Variants in NRXN2 observed in about 807,000 individuals in gnomAD.
NRXN2 encodes neurexin 2, also known as neurexin-2-beta.
Under a neutral mutation model 128.8 loss-of-function variants are expected in NRXN2, and 29 were observed. The ratio of observed to expected loss-of-function variants is 0.23; its 90% CI spans 0.17 to 0.31. The LOEUF (loss-of-function observed/expected upper bound fraction) is 0.31. Ranked by LOEUF, NRXN2 falls within the 10% of genes least tolerant of loss-of-function variation. NRXN2 has a pLI of 1.00. For synonymous variants in NRXN2, 1,098 were observed against 1,075.2 expected, an observed-to-expected ratio of 1.02 and a Z score of -0.41; for missense variants, 1,881 against 2,452.6, an observed-to-expected ratio of 0.77 and a Z score of 4.92.
At chr11:64,672,651 T>C (rs1170861547) in intron 7 of NRXN2, among the ~76,000 whole-genome samples, 1 of 152,104 alleles carries the variant, frequency 6.6e-6, no homozygotes, top group Non-Finnish European at 1.5e-5. Context: ...TAAGAGCAAC[T>C]AGTCTAGGGG....
intron 22 of NRXN2, among the ~76,000 whole-genome samples, chr11:64,614,176 C>T (rs954597029): frequency 2.6e-5 from 4 of 152,192 alleles, no homozygotes; most frequent in Non-Finnish European, 4.4e-5. Flanking sequence ...AGGACAATGG[C>T]GCAGTAAAAC....
At chr11:64,637,755 G>T (rs889231201) in intron 17 of NRXN2, among the ~76,000 whole-genome samples, 2 of 152,074 alleles carry the variant, frequency 1.3e-5, no homozygotes, top group Non-Finnish European at 2.9e-5. Flanking sequence ...CTACCTGCAG[G>T]CTGCCTCCAA....
Position 64,620,304 on chromosome 11 carries a change from C to G in NRXN2, c.4242G>C (p.Glu1414Asp), listed in dbSNP as rs1413729782. 8 of 1,552,592 alleles carry G rather than the reference C, an allele frequency of 5.2e-6. No individual in the cohort carries two copies. Among genetic ancestry groups the G allele is most frequent in the Non-Finnish European group, 7.0e-6 (8 of 1,147,618 alleles). The change falls in exon 22 of 23, where the codon GAG (glutamate) becomes GAC (aspartate). Residue 1414 changes from glutamate (E) to aspartate (D), a missense_variant. By Grantham distance (45) the Glu-to-Asp change is conservative (BLOSUM62 2). Coordinates refer to ENST00000265459, the MANE Select transcript of NRXN2 (RefSeq NM_015080.4). ...GGGAAAGGCACTCACCAGTACTGGG[C>G]TCACACTCCTCCAGGTCCTCATCAT... ...PSDDEDLEECEPSTGGELILP... is the reference protein window; with the variant it reads ...PSDDEDLEECDPSTGGELILP...
In NRXN2 at chr11:64,660,458, C is replaced by G. The variant is rs1418624067; in HGVS notation, c.2263G>C (p.Asp755His). The change falls in exon 11 of 23, where the codon GAT becomes CAT. Residue 755 changes from aspartate to histidine, a missense_variant. Physicochemically the swap from Asp to His is moderately conservative, Grantham distance 81 (BLOSUM62 -1). Around this residue, in one of 7 missense-constraint regions of NRXN2, gnomAD observed 997 missense variants for 1,240.8 expected, o/e 0.80. Transcript: ENST00000265459. The surrounding 1 kb of genome is among the most constrained non-coding windows in gnomAD (Gnocchi z 5.2). ...TGGGACATGAAACGCAGGGACACAT[C>G]CTCTGCCTCCGTGTGCATGGCGTTA... ...LPNAMHTEAEDVSLRFMSQRA... is the reference protein window; with the variant it reads ...LPNAMHTEAEHVSLRFMSQRA... 1 of 1,614,192 alleles carries G rather than the reference C, an allele frequency of 6.2e-7. No homozygotes were observed. Among genetic ancestry groups the G allele is most frequent in the Non-Finnish European group, 8.5e-7 (1 of 1,180,020 alleles).
intron 2 of NRXN2, among the ~76,000 whole-genome samples, chr11:64,712,499 C>T (rs1218845028): frequency 6.6e-6 from 1 of 152,030 alleles, no homozygotes; most frequent in Non-Finnish European, 1.5e-5. Flanking sequence ...CACTCACCAC[C>T]CCTCACGGCC....
At position 64,668,443 on chromosome 11, in the gene NRXN2, G is replaced by A. The variant is rs374294754; in HGVS notation, c.1359C>T (p.Asp453=). 2.5e-5 allele frequency: 41 copies of A among 1,613,738 alleles called. No individual in the cohort carries two copies. The highest frequency in any genetic ancestry group is 1.3e-4 in the African/African-American group (10 of 75,060). ...VSNNFMGCLK[D]VVYKNNDFKL... is the part of the protein sequence containing the mutation. ...GCAGCCCCTCCCTAGCCCTACTCAC[G>A]TCCTTGAGGCAGCCCATGAAGTTGT... is the stretch of plus-strand genomic sequence containing the variant. Residue 453 remains aspartate, a splice_region_variant and synonymous_variant, in exon 8 of 23, where the codon GAC becomes GAT. Coordinates refer to ENST00000265459, the MANE Select transcript of NRXN2 (RefSeq NM_015080.4).
At chr11:64,690,509 G>C (rs1250119545) in intron 4 of NRXN2, 33 bp from the exon 5 acceptor site, 15 of 1,584,696 alleles carry the variant, frequency 9.5e-6, no homozygotes, top group Non-Finnish European at 1.3e-5. Flanking sequence ...TCAGGCACAG[G>C]GGGTACCGAG....
chr11:64,673,563 A>G (rs778208401), intron 7 of NRXN2, among the ~76,000 whole-genome samples: 2 of 152,254 alleles, frequency 1.3e-5, no homozygotes, highest in Non-Finnish European at 2.9e-5. Context: ...AAAGGCAACC[A>G]GGTCTGTTTA....
chr11:64,692,668 C>G (rs1282021727), intron 4 of NRXN2, among the ~76,000 whole-genome samples, 179 bp downstream of exon 4: 1 of 151,772 alleles, frequency 6.6e-6, no homozygotes, highest in Non-Finnish European at 1.5e-5. Context: ...CCACCCCCAC[C>G]CCAGCACCCC....
Position 64,607,889 on chromosome 11 carries a change from G to C in NRXN2, c.4446C>G (p.Asp1482Glu). 10 of 1,575,882 alleles carry C rather than the reference G, an allele frequency of 6.3e-6. 1 individual carries two copies. The Middle Eastern group carries it at 6.9e-4, about 108-fold the overall frequency. ...PSGGPCQAER[D>E]DSDCEEPIEA... is the part of the protein sequence containing the mutation. The stretch of plus-strand genomic sequence containing the variant: ...CGATGGGCTCCTCGCAGTCGCTGTC[G>C]TCCCGCTCGGCCTGGCACGGGCCCC... Residue 1482 changes from aspartate (D) to glutamate (E), a missense_variant, in exon 23 of 23, where the codon GAC becomes GAG. Physicochemically the swap from Asp to Glu is conservative, Grantham distance 45. Transcript: ENST00000265459.
Position 64,635,180 on chromosome 11 carries a change from A to G in NRXN2, c.3585+91T>C. 1 of 1,429,686 alleles carries G rather than the reference A, an allele frequency of 7.0e-7. No individual in the cohort carries two copies. The highest frequency in any genetic ancestry group is 9.8e-7 in the Non-Finnish European group (1 of 1,016,866). The allele number at this position is 1,429,686 out of a possible 1,614,324, so 88.6% of individuals were successfully genotyped here. A position where few individuals can be genotyped will look rare whatever the true frequency, so the allele number is the denominator to read the frequency against. On this transcript the variant is annotated intron_variant, in intron 18 of 22. Transcript: ENST00000265459. The surrounding 1 kb of genome is among the most constrained non-coding windows in gnomAD (Gnocchi z 4.8). ...TTCTGAGGGTTCCCCATGAGGGAAGACTTGAGGTGCTGATCCCATGGCAAT... is the reference window on the plus strand; with the variant it reads ...TTCTGAGGGTTCCCCATGAGGGAAGGCTTGAGGTGCTGATCCCATGGCAAT...
In NRXN2 at chr11:64,661,559, C is replaced by T. The variant is rs1191496613; in HGVS notation, c.1799-420G>A. On this transcript the variant is annotated intron_variant, in intron 9 of 22. Coordinates refer to ENST00000265459, the MANE Select transcript of NRXN2 (RefSeq NM_015080.4). The stretch of plus-strand genomic sequence containing the variant: ...AGAGAACCTCAAGGAACAGAAGGGG[C>T]TGAAAGATCTTTAATCCAAAGGAGT... 2.6e-5 allele frequency among the ~76,000 whole-genome samples: 4 copies of T among 152,172 alleles called. No individual in the cohort carries two copies. The East Asian group carries it at 7.7e-4, about 29-fold the overall frequency.
chr11:64,642,677 A>G, intron 17 of NRXN2: 1 of 1,556,434 alleles, frequency 6.4e-7, no homozygotes. Context: ...CCCAGCAGCA[A>G]CAGCAGCAAC....
chr11:64,620,284 A>G lies in NRXN2; in HGVS notation c.4252+10T>C, dbSNP rs533955494. 5.7e-5 allele frequency: 89 copies of G among 1,549,096 alleles called. No individual in the cohort carries two copies. Among genetic ancestry groups the G allele is most frequent in the South Asian group, 3.9e-4 (33 of 84,010 alleles). Reference sequence around the variant, plus strand: ...GGACCCGGGGCAGGGGAGGGGGGAAAGGCACTCACCAGTACTGGGCTCACA... The same window carrying G: ...GGACCCGGGGCAGGGGAGGGGGGAAGGGCACTCACCAGTACTGGGCTCACA... On this transcript the variant is annotated intron_variant, in intron 22 of 22. Coordinates refer to ENST00000265459, the MANE Select transcript of NRXN2 (RefSeq NM_015080.4).
intron 22 of NRXN2, among the ~76,000 whole-genome samples, chr11:64,616,050 T>C (rs1428504944): frequency 6.6e-6 from 1 of 152,166 alleles, no homozygotes; most frequent in Non-Finnish European, 1.5e-5. Flanking sequence ...TATGAGCTTC[T>C]ATAGGGGCGG....
chr11:64,645,072 C>T (rs573830231), intron 17 of NRXN2, among the ~76,000 whole-genome samples: 4 of 152,210 alleles, frequency 2.6e-5, no homozygotes, highest in South Asian at 4.1e-4. Context: ...TGCAGGGCCC[C>T]GAGCCATGCA....
Position 64,607,765 on chromosome 11 carries a change from T to G in NRXN2, c.4570A>C (p.Thr1524Pro), listed in dbSNP as rs2039889886. 1 of 1,585,274 alleles carries G rather than the reference T, an allele frequency of 6.3e-7. No individual in the cohort carries two copies. Among genetic ancestry groups the G allele is most frequent in the Admixed American group, 1.8e-5 (1 of 56,540 alleles). The change falls in exon 23 of 23, where the codon ACC (threonine) becomes CCC (proline). Residue 1524 changes from threonine to proline, a missense_variant. By Grantham distance (38) the Thr-to-Pro change is conservative. Coordinates refer to ENST00000265459, the MANE Select transcript of NRXN2 (RefSeq NM_015080.4). ...YTTFPLVTDR[T>P]TLLSPRKPAP... is the part of the protein sequence containing the mutation. ...GGTTTGCGGGGTGACAGGAGGGTGG[T>G]GCGGTCCGTGACCAGGGGAAAGGTG... is the stretch of plus-strand genomic sequence containing the variant.
At chr11:64,625,526 T>A (rs1334247328) in intron 20 of NRXN2, among the ~76,000 whole-genome samples, 1 of 152,168 alleles carries the variant, frequency 6.6e-6, no homozygotes, top group Non-Finnish European at 1.5e-5. Flanking sequence ...AGAAGTTACA[T>A]TTGGGGGTTT....
intron 17 of NRXN2, among the ~76,000 whole-genome samples, chr11:64,638,534 G>A (rs906013147): frequency 4.6e-5 from 7 of 152,090 alleles, no homozygotes; most frequent in Non-Finnish European, 8.8e-5. Flanking sequence ...CCCTGCCCAC[G>A]GACTCCCCCA....
Sources: allele counts gnomAD v4.1 joint callset (sites outside exome capture counted in the v4.1 genomes callset), GRCh38; gene constraint gnomAD v4.1.1; regional missense constraint gnomAD v4.1.1; non-coding constraint Gnocchi (gnomAD v3.1); transcripts MANE v1.5; gene names NCBI Gene and HGNC (gene_info 2026-07-23, HGNC 2026-07-21).